The following NR2C2 variants were observed in gnomAD, a reference collection of about 807,000 sequenced individuals.
NR2C2 encodes Nuclear hormone receptor TR4.
NR2C2 carries 6 observed loss-of-function variants against 62.9 expected under a neutral mutation model. The ratio of observed to expected loss-of-function variants is 0.10; its 90% confidence interval spans 0.05 to 0.19. The LOEUF (loss-of-function observed/expected upper bound fraction) is 0.19. Ranked by LOEUF, NR2C2 falls within the 10% of genes least tolerant of loss-of-function variation. NR2C2 has a pLI of 1.00. For synonymous variants in NR2C2, 272 were observed against 273.8 expected (o/e 0.99, Z 0.07); for missense variants, 479 against 762.7 (o/e 0.63, Z 4.38).
rs1417733592 is a variant in NR2C2, at chr3:15,047,256, T to G, written c.*4248T>G. 1.3e-5 allele frequency: 2 copies of G among 152,362 alleles called. No individual in the cohort carries two copies. Among genetic ancestry groups the G allele is most frequent in the East Asian group, 3.8e-4 (2 of 5,198 alleles). The allele number at this position is 152,362 out of a possible 1,614,324, so 9.4% of individuals were successfully genotyped here. A position where few individuals can be genotyped will look rare whatever the true frequency, so the allele number is the denominator to read the frequency against. On this transcript the variant is annotated 3_prime_UTR_variant, in exon 14 of 14. Transcript: ENST00000425241. ...GCTGGTGATTTTCTTCACTCCATTT[T>G]CCTTTGGGTGAGCCTGCCTGGGAAG...
At chr3:15,004,608 G>A (rs778615512) in intron 2 of NR2C2, 1 of 1,612,562 alleles carries the variant, frequency 6.2e-7, no homozygotes, top group Admixed American at 1.7e-5. Flanking sequence ...TTTGAACAAA[G>A]AGAAGGTAGG....
chr3:14,955,270 C>T (rs1405402587), intron 1 of NR2C2, among the ~76,000 whole-genome samples: 1 of 152,214 alleles, frequency 6.6e-6, no homozygotes, highest in Non-Finnish European at 1.5e-5. Context: ...TCTAAAAGAA[C>T]TGCCATGGTA....
intron 1 of NR2C2, among the ~76,000 whole-genome samples, chr3:14,987,740 A>G (rs140670579): frequency 3.3e-5 from 5 of 152,340 alleles, no homozygotes; most frequent in African/African-American, 1.2e-4. Context: ...TTGTGTTCCC[A>G]GTGCCTGAAA....
chr3:14,973,688 C>T (rs1316603101), intron 1 of NR2C2, among the ~76,000 whole-genome samples: 1 of 152,064 alleles, frequency 6.6e-6, no homozygotes, highest in Non-Finnish European at 1.5e-5. Flanking sequence ...AAAGACTGTC[C>T]TTTCTTCATT....
chr3:15,038,119 A>G lies in NR2C2; in HGVS notation c.1492A>G (p.Ile498Val). 1.2e-6 allele frequency: 2 copies of G among 1,613,044 alleles called. No individual in the cohort carries two copies. Among genetic ancestry groups the G allele is most frequent in the Non-Finnish European group, 1.7e-6 (2 of 1,179,648 alleles). ...CTATGAGTATGCATACCTTAAAGCT[A>G]TAGTTCTCTTTAGCCCCGGTAAGAT... Reference protein sequence around the residue: ...DGYEYAYLKAIVLFSPDHPGL... With the variant: ...DGYEYAYLKAVVLFSPDHPGL... The change falls in exon 12 of 14, where the codon ATA (isoleucine) becomes GTA (valine). Residue 498 changes from isoleucine (I) to valine (V), a missense_variant. By Grantham distance (29) the Ile-to-Val change is conservative. Transcript: ENST00000425241.
intron 10 of NR2C2, among the ~76,000 whole-genome samples, chr3:15,032,914 G>A: frequency 6.6e-6 from 1 of 152,106 alleles, no homozygotes; most frequent in Non-Finnish European, 1.5e-5. Flanking sequence ...AAGCCACAGT[G>A]CCAATTGGCA....
chr3:15,030,269 T>C lies in NR2C2; in HGVS notation c.933-6T>C, dbSNP rs778326090. 3.8e-5 allele frequency: 61 copies of C among 1,607,266 alleles called. No homozygotes were observed. The highest frequency in any genetic ancestry group is 4.3e-5 in the Non-Finnish European group (51 of 1,177,912). On this transcript the variant is annotated splice_region_variant and splice_polypyrimidine_tract_variant and intron_variant, in intron 8 of 13. Transcript: ENST00000425241. ...CAACAATTACATGCTTCATTTTTGCTCACAGGGCATTTGATACCTTAGCTA... is the reference window on the plus strand; with the variant it reads ...CAACAATTACATGCTTCATTTTTGCCCACAGGGCATTTGATACCTTAGCTA...
chr3:14,983,755 C>T (rs866421975), intron 1 of NR2C2, among the ~76,000 whole-genome samples: 5 of 152,034 alleles, frequency 3.3e-5, no homozygotes, highest in African/African-American at 9.7e-5. Context: ...TAAGACTATT[C>T]GGATTTTTTA....
intron 11 of NR2C2, among the ~76,000 whole-genome samples, 174 bp downstream of exon 11, chr3:15,034,983 G>C (rs532175683): frequency 6.6e-6 from 1 of 152,354 alleles, no homozygotes; most frequent in Admixed American, 6.5e-5. Context: ...GCTGAGAGAA[G>C]TTTGACTGTT....
At position 15,044,533 on chromosome 3, in the gene NR2C2, G is replaced by GC. The variant is rs2042383855; in HGVS notation, c.*1525_*1526insC. ...TGTGAATATATAGCAAGCTTTTCCT[G>GC]TTTGAGAACAGTGGCATGTGGAAGA... On this transcript the variant is annotated 3_prime_UTR_variant, in exon 14 of 14. Transcript: ENST00000425241. The GC allele has an allele frequency of 6.6e-6, 1 of 152,228 alleles. No homozygotes were observed. The highest frequency in any genetic ancestry group is 2.4e-5 in the African/African-American group (1 of 41,466). The allele number at this position is 152,228 out of a possible 1,614,324, so 9.4% of individuals were successfully genotyped here.
intron 7 of NR2C2, 64 bp downstream of exon 7, chr3:15,024,272 C>A: frequency 9.1e-7 from 1 of 1,094,300 alleles, no homozygotes. Context: ...GCTTCTCTAA[C>A]TGTGTGCACC....
intron 1 of NR2C2, among the ~76,000 whole-genome samples, chr3:14,965,522 CAAAAAA>C (rs545143806): frequency 0.021 from 1,692 of 79,658 alleles, 11 homozygotes; most frequent in Non-Finnish European, 0.024. Flanking sequence ...TTTCCCATGG[CAAAAAA>C]AAAAAAAAAA....
chr3:15,004,479 T>A, intron 2 of NR2C2: 1 of 1,352,934 alleles, frequency 7.4e-7, no homozygotes. Flanking sequence ...GTTCAATATT[T>A]ACTAATTATA....
rs1011289982 is a variant in NR2C2 at position 15,036,545 on chromosome 3, G to A, written c.1373-1455G>A. ...TCTCTCTGTGTTGCCAGGCTGGAGT[G>A]CAGTAGCAATCATAGCTCACTACAG... On this transcript the variant is annotated intron_variant, in intron 11 of 13. Transcript: ENST00000425241. 2.6e-5 allele frequency among the ~76,000 whole-genome samples: 4 copies of A among 152,144 alleles called. No individual in the cohort carries two copies. The East Asian group carries it at 7.7e-4, about 29-fold the overall frequency.
chr3:14,996,838 A>G (rs2040847190), intron 1 of NR2C2, among the ~76,000 whole-genome samples: 1 of 152,216 alleles, frequency 6.6e-6, no homozygotes, highest in Non-Finnish European at 1.5e-5. Flanking sequence ...CTGGGATTAC[A>G]GGTGTCAGCC....
chr3:15,023,531 T>G (rs2125030340), intron 6 of NR2C2, among the ~76,000 whole-genome samples, 184 bp downstream of exon 6: 1 of 152,298 alleles, frequency 6.6e-6, no homozygotes. Flanking sequence ...GGATGCCTGA[T>G]TTATGAAGGG....
Position 14,966,547 on chromosome 3 carries a change from C to G in NR2C2, c.-40+18641C>G, listed in dbSNP as rs186019352. Among the ~76,000 whole-genome samples the G allele has an allele frequency of 2.0e-5, 3 of 152,352 alleles. No homozygotes were observed. In the East Asian group the frequency reaches 5.8e-4, roughly 29 times the overall value. On this transcript the variant is annotated intron_variant, in intron 1 of 13. Coordinates refer to ENST00000425241, the MANE Select transcript of NR2C2 (RefSeq NM_001291694.2). ...GACTACAGTGAGCTATGATGTCCCTCACTGCACTCCAGCCTGGATGACAGA... is the reference window on the plus strand; with the variant it reads ...GACTACAGTGAGCTATGATGTCCCTGACTGCACTCCAGCCTGGATGACAGA...
intron 10 of NR2C2, among the ~76,000 whole-genome samples, chr3:15,033,351 C>T (rs181997334): frequency 5.9e-5 from 9 of 152,254 alleles, no homozygotes; most frequent in East Asian, 3.9e-4. Context: ...GTAGAATCCT[C>T]GCGTGGGTTT....
intron 10 of NR2C2, chr3:15,034,461 G>A: frequency 2.0e-6 from 1 of 491,488 alleles, no homozygotes; most frequent in Non-Finnish European, 3.6e-6. Flanking sequence ...TAAGAGAATA[G>A]TTGATCATTA....
Sources: allele counts gnomAD v4.1 joint callset (sites outside exome capture counted in the v4.1 genomes callset), GRCh38; gene constraint gnomAD v4.1.1; transcripts MANE v1.5; gene names NCBI Gene and HGNC (gene_info 2026-07-23, HGNC 2026-07-21).